INSYN2A: variants seen among roughly 807,000 people sequenced by gnomAD.
INSYN2A encodes inhibitory synaptic factor 2A.
In INSYN2A, 17 loss-of-function variants were observed where a neutral mutation model predicts 39.4. That is an observed-to-expected ratio of 0.43 (90% CI 0.30 to 0.65). INSYN2A has a LOEUF of 0.65. Among genes scored for constraint, INSYN2A ranks in the 30% least tolerant of loss-of-function variants. The pLI is 0.14. For missense variants in INSYN2A, 595 were observed against 631.2 expected (o/e 0.94, Z 0.61); for synonymous variants, 255 against 265.7 (o/e 0.96, Z 0.39).
At chr10:127,180,818 T>A (rs2055657256) in intron 2 of INSYN2A, among the ~76,000 whole-genome samples, 1 of 152,180 alleles carries the variant, frequency 6.6e-6, no homozygotes. Context: ...CACGAAATAA[T>A]GTTAAGTGAA....
At position 127,146,671 on chromosome 10, in the gene INSYN2A, G is replaced by A. The variant is rs901564459; in HGVS notation, c.1256+7181C>T. The stretch of plus-strand genomic sequence containing the variant: ...GAGCACTAAACATTAGGCAAAAGGC[G>A]AATTTCCCCCACCTCAGTTCATGCT... On this transcript the variant is annotated intron_variant, in intron 5 of 5. Transcript: ENST00000522781. Among the ~76,000 whole-genome samples, 4 of 152,136 alleles carry A rather than the reference G, an allele frequency of 2.6e-5. No homozygotes were observed. The East Asian group carries it at 5.8e-4, about 22-fold the overall frequency.
At chr10:127,193,748 T>TA (rs1448953566) in intron 1 of INSYN2A, among the ~76,000 whole-genome samples, 2 of 152,072 alleles carry the variant, frequency 1.3e-5, no homozygotes, top group African/African-American at 4.8e-5. Context: ...TTGATTTATT[T>TA]AAAAATTTTT....
intron 4 of INSYN2A, among the ~76,000 whole-genome samples, chr10:127,164,610 T>C (rs1227008463): frequency 6.6e-6 from 1 of 152,250 alleles, no homozygotes; most frequent in Non-Finnish European, 1.5e-5. Flanking sequence ...ACATTATTAT[T>C]GTCAGAAATA....
In INSYN2A at chr10:127,196,218, C is replaced by G. The variant is rs2057132367; in HGVS notation, c.-616G>C. On this transcript the variant is annotated 5_prime_UTR_variant, in exon 1 of 6. Coordinates refer to ENST00000522781, the MANE Select transcript of INSYN2A (RefSeq NM_001039762.3). ...CGCTGCCGGCCCGGCCCTGCTGGCC[C>G]GGCCGGCCCCCGCGCCGCAGCTCGC... is the stretch of plus-strand genomic sequence containing the variant. 6.7e-6 allele frequency: 1 copy of G among 149,234 alleles called. No individual in the cohort carries two copies. Among genetic ancestry groups the G allele is most frequent in the Non-Finnish European group, 1.5e-5 (1 of 67,134 alleles). The allele number at this position is 149,234 out of a possible 1,614,324, so 9.2% of individuals were successfully genotyped here.
chr10:127,187,242 C>T (rs543897338), intron 2 of INSYN2A, among the ~76,000 whole-genome samples: 1 of 152,310 alleles, frequency 6.6e-6, no homozygotes, highest in Non-Finnish European at 1.5e-5. Context: ...TCCAGCACCT[C>T]CTTGGAACAG....
At chr10:127,153,090 C>T (rs1029845314) in intron 5 of INSYN2A, among the ~76,000 whole-genome samples, 1 of 152,124 alleles carries the variant, frequency 6.6e-6, no homozygotes, top group Non-Finnish European at 1.5e-5. Flanking sequence ...TTTGGTGGAT[C>T]ACTAAAATTA....
chr10:127,169,704 C>A (rs1589748417), intron 4 of INSYN2A, among the ~76,000 whole-genome samples: 1 of 152,146 alleles, frequency 6.6e-6, no homozygotes, highest in Admixed American at 6.5e-5. Flanking sequence ...TGGCCCTTTG[C>A]AGAAAAGTTT....
At chr10:127,162,870 C>T (rs756248869) in intron 4 of INSYN2A, among the ~76,000 whole-genome samples, 10 of 152,166 alleles carry the variant, frequency 6.6e-5, no homozygotes, top group African/African-American at 9.7e-5. Flanking sequence ...ACACAGGTCT[C>T]GCCCCCAGAC....
intron 4 of INSYN2A, among the ~76,000 whole-genome samples, chr10:127,164,990 G>A (rs1318443145): frequency 6.6e-6 from 1 of 152,190 alleles, no homozygotes; most frequent in Non-Finnish European, 1.5e-5. Flanking sequence ...TAAAGCTTAA[G>A]CTATAATTTA....
chr10:127,170,442 C>T (rs1296189131), intron 4 of INSYN2A, among the ~76,000 whole-genome samples: 1 of 152,202 alleles, frequency 6.6e-6, no homozygotes, highest in African/African-American at 2.4e-5. Flanking sequence ...TGATCATGTG[C>T]TTGATATCCT....
intron 5 of INSYN2A, among the ~76,000 whole-genome samples, chr10:127,144,964 A>G (rs1259516845): frequency 7.1e-6 from 1 of 139,900 alleles, no homozygotes; most frequent in Admixed American, 6.8e-5. Context: ...TTAAAAAAGC[A>G]TTAGCCAGAT....
intron 2 of INSYN2A, among the ~76,000 whole-genome samples, chr10:127,188,712 G>A (rs1033620386): frequency 1.3e-5 from 2 of 152,208 alleles, no homozygotes; most frequent in African/African-American, 4.8e-5. Flanking sequence ...CTGGGCAAGT[G>A]ATCTAACCTG....
intron 5 of INSYN2A, among the ~76,000 whole-genome samples, 166 bp from the exon 6 acceptor site, chr10:127,138,186 A>T (rs2050872237): frequency 6.6e-6 from 1 of 152,220 alleles, no homozygotes. Flanking sequence ...GCTCCCGTGA[A>T]ATAGTTCAAG....
intron 4 of INSYN2A, among the ~76,000 whole-genome samples, chr10:127,171,311 C>T (rs1330345749): frequency 6.6e-6 from 1 of 152,192 alleles, no homozygotes; most frequent in Non-Finnish European, 1.5e-5. Context: ...GAAGCACTTG[C>T]CTGACAAACT....
intron 2 of INSYN2A, among the ~76,000 whole-genome samples, chr10:127,188,197 C>T (rs1048144821): frequency 6.6e-6 from 1 of 152,140 alleles, no homozygotes; most frequent in African/African-American, 2.4e-5. Context: ...CCTGGCCTGG[C>T]TGGGCTGTGC....
intron 4 of INSYN2A, among the ~76,000 whole-genome samples, chr10:127,166,902 G>A (rs1056406627): frequency 2.0e-5 from 3 of 151,764 alleles, no homozygotes; most frequent in Admixed American, 2.0e-4. Flanking sequence ...CGGTGGTGAG[G>A]CTTTTATTCA....
chr10:127,150,053 G>A (rs1446306201), intron 5 of INSYN2A, among the ~76,000 whole-genome samples: 1 of 152,194 alleles, frequency 6.6e-6, no homozygotes, highest in East Asian at 1.9e-4. Flanking sequence ...TTGGCTGTAA[G>A]TTTGCATGGG....
intron 4 of INSYN2A, among the ~76,000 whole-genome samples, chr10:127,172,606 G>C (rs548180837): frequency 1.3e-5 from 2 of 152,312 alleles, no homozygotes; most frequent in Admixed American, 6.5e-5. Flanking sequence ...GAATTTTGGA[G>C]CCCATAAGGT....
Position 127,176,119 on chromosome 10 carries a change from G to T in INSYN2A, c.277C>A (p.Arg93Ser). The T allele has an allele frequency of 1.2e-6, 2 of 1,614,130 alleles. No individual in the cohort carries two copies. The highest frequency in any genetic ancestry group is 1.1e-5 in the South Asian group (1 of 91,088). The change falls in exon 4 of 6, where the codon CGC becomes AGC. Residue 93 changes from arginine (R) to serine (S), a missense_variant. Physicochemically the swap from Arg to Ser is moderately radical, Grantham distance 110. This residue lies in a region of INSYN2A where 478 missense variants were observed against 467.4 expected (regional missense o/e 1.02). Coordinates refer to ENST00000522781, the MANE Select transcript of INSYN2A (RefSeq NM_001039762.3). The surrounding 1 kb of genome is among the most constrained non-coding windows in gnomAD (Gnocchi z 4.4). ...TTGGTGACGTTGGGGATGGACCTGCGTGCGGGCACTGTCATGTATTTGCGG... is the reference window on the plus strand; with the variant it reads ...TTGGTGACGTTGGGGATGGACCTGCTTGCGGGCACTGTCATGTATTTGCGG... ...AYRKYMTVPA[R>S]RSIPNVTKST...
Sources: gnomAD v4.1 joint callset for allele counts (sites outside exome capture counted in the v4.1 genomes callset) on GRCh38, gnomAD v4.1.1 for gene constraint, gnomAD v4.1.1 regional missense constraint, Gnocchi (gnomAD v3.1) non-coding constraint, MANE v1.5 for transcripts, NCBI Gene and HGNC (gene_info 2026-07-23, HGNC 2026-07-21) for gene names.